The following PDE4B variants were observed in gnomAD, a reference collection of about 807,000 sequenced individuals.
PDE4B encodes the protein 3',5'-cyclic-AMP phosphodiesterase 4B.
A neutral mutation model predicts 82.2 loss-of-function variants in PDE4B; 20 were observed. The ratio of observed to expected loss-of-function variants is 0.24; its 90% confidence interval spans 0.17 to 0.35. PDE4B has a LOEUF of 0.35. Ranked by LOEUF, PDE4B falls within the 10% of genes least tolerant of loss-of-function variation. PDE4B has a pLI of 1.00. For missense variants in PDE4B, 655 were observed against 907.2 expected (o/e 0.72, Z 3.57); for synonymous variants, 320 against 318.9 (o/e 1.00, Z -0.04).
intron 1 of PDE4B, among the ~76,000 whole-genome samples, chr1:65,872,898 A>G (rs1646590722): frequency 6.6e-6 from 1 of 152,170 alleles, no homozygotes; most frequent in Non-Finnish European, 1.5e-5. Context: ...TACTGATAAA[A>G]CGACTGAGGA....
At chr1:65,895,253 G>GA (rs1226024114) in intron 1 of PDE4B, among the ~76,000 whole-genome samples, 1 of 152,012 alleles carries the variant, frequency 6.6e-6, no homozygotes, top group Admixed American at 6.6e-5. Context: ...GGTATGCTGA[G>GA]AAAATGATAC....
intron 3 of PDE4B, among the ~76,000 whole-genome samples, chr1:66,131,773 A>G (rs1203139053): frequency 6.6e-6 from 1 of 151,702 alleles, no homozygotes; most frequent in Non-Finnish European, 1.5e-5. Context: ...AGAACAATGA[A>G]TGAGAAACAT....
chr1:65,885,507 T>C (rs1646763162), intron 1 of PDE4B, among the ~76,000 whole-genome samples: 2 of 152,130 alleles, frequency 1.3e-5, no homozygotes, highest in African/African-American at 2.4e-5. Flanking sequence ...GTGGCACATA[T>C]ACACCATGGA....
intron 7 of PDE4B, among the ~76,000 whole-genome samples, chr1:66,321,789 C>T (rs1290219629): frequency 1.3e-5 from 2 of 152,162 alleles, no homozygotes; most frequent in African/African-American, 4.8e-5. Flanking sequence ...ATCAAGCTAC[C>T]ACTGACTTTC....
At chr1:66,281,256 T>G (rs2101781314) in intron 7 of PDE4B, among the ~76,000 whole-genome samples, 1 of 152,356 alleles carries the variant, frequency 6.6e-6, no homozygotes, top group Middle Eastern at 3.4e-3. Flanking sequence ...GCCCCACTCC[T>G]CAAGTTTCTG....
intron 3 of PDE4B, among the ~76,000 whole-genome samples, chr1:66,095,334 G>A (rs1349999528): frequency 6.6e-6 from 1 of 151,882 alleles, no homozygotes. Flanking sequence ...ATTGTAGAGA[G>A]AAATAAATGA....
chr1:66,051,449 C>A (rs960935581), intron 3 of PDE4B, among the ~76,000 whole-genome samples: 1 of 151,844 alleles, frequency 6.6e-6, no homozygotes, highest in Non-Finnish European at 1.5e-5. Flanking sequence ...GATTAGGGAA[C>A]GGAATCTGGG....
intron 1 of PDE4B, among the ~76,000 whole-genome samples, chr1:65,818,343 C>T (rs1645909198): frequency 6.6e-6 from 1 of 152,038 alleles, no homozygotes; most frequent in African/African-American, 2.4e-5. Context: ...TGTAATTTTC[C>T]TAGAGAGCTG....
chr1:66,240,171 AC>A (rs2101655273), intron 3 of PDE4B, among the ~76,000 whole-genome samples: 1 of 152,350 alleles, frequency 6.6e-6, no homozygotes, highest in South Asian at 2.1e-4. Flanking sequence ...TCACCGTATC[AC>A]CCACAGTCAG....
intron 1 of PDE4B, among the ~76,000 whole-genome samples, chr1:65,811,973 CA>C (rs965532753): frequency 6.6e-6 from 1 of 150,954 alleles, no homozygotes; most frequent in Non-Finnish European, 1.5e-5. Flanking sequence ...ACAAACAAAC[CA>C]AAAAAAACCC....
intron 3 of PDE4B, among the ~76,000 whole-genome samples, chr1:66,057,560 A>T (rs7521986): frequency 0.47 from 71,854 of 152,014 alleles, 17,649 homozygotes; most frequent in Non-Finnish European, 0.54. Flanking sequence ...GGTTTATTGG[A>T]CTTACAGTTC....
chr1:66,232,500 A>G (rs1206997674), intron 3 of PDE4B, among the ~76,000 whole-genome samples: 1 of 152,238 alleles, frequency 6.6e-6, no homozygotes, highest in Non-Finnish European at 1.5e-5. Context: ...AATAGATAGT[A>G]TTCTATATCA....
chr1:66,261,109 C>T (rs1468212775), intron 6 of PDE4B, among the ~76,000 whole-genome samples: 1 of 152,176 alleles, frequency 6.6e-6, no homozygotes, highest in Non-Finnish European at 1.5e-5. Flanking sequence ...TGCAGTCTAG[C>T]TCAGACTCAG....
chr1:66,283,420 G>A (rs1199029661), intron 7 of PDE4B, among the ~76,000 whole-genome samples: 1 of 151,932 alleles, frequency 6.6e-6, no homozygotes, highest in Non-Finnish European at 1.5e-5. Context: ...TGTGTCAGGA[G>A]TCTTAGAAGG....
intron 3 of PDE4B, among the ~76,000 whole-genome samples, chr1:66,157,701 T>A (rs970598877): frequency 1.3e-5 from 2 of 152,206 alleles, no homozygotes; most frequent in African/African-American, 4.8e-5. Context: ...TGATCTCTCT[T>A]TCTCTCAGTG....
rs561904888 is a variant in PDE4B at position 66,374,367 on chromosome 1, A to G, written c.*1689A>G. 4.8e-4 allele frequency: 74 copies of G among 152,778 alleles called. No individual in the cohort carries two copies. Among genetic ancestry groups the G allele is most frequent in the African/African-American group, 1.8e-3 (74 of 41,580 alleles). The allele number at this position is 152,778 out of a possible 1,614,324, so 9.5% of individuals were successfully genotyped here. ...TTTGTAAAATATGTTTCATGCTTTC[A>G]GTTCAGCATTGTGACTCAGTAATTA... is the stretch of plus-strand genomic sequence containing the variant. On this transcript the variant is annotated 3_prime_UTR_variant, in exon 17 of 17. Transcript: ENST00000341517.
chr1:66,050,213 T>C (rs1367243804), intron 3 of PDE4B, among the ~76,000 whole-genome samples: 1 of 152,122 alleles, frequency 6.6e-6, no homozygotes. Flanking sequence ...ATATGTTCAA[T>C]TGAGTATCAG....
intron 3 of PDE4B, among the ~76,000 whole-genome samples, chr1:66,217,940 G>C (rs1228004756): frequency 6.6e-6 from 1 of 152,128 alleles, no homozygotes. Flanking sequence ...GCAGTAAGAA[G>C]ACATTGAAGG....
At chr1:66,091,598 A>G (rs745944874) in intron 3 of PDE4B, among the ~76,000 whole-genome samples, 6 of 152,042 alleles carry the variant, frequency 3.9e-5, no homozygotes, top group Non-Finnish European at 2.9e-5. Flanking sequence ...TGACTGCCAC[A>G]TGCTTAGACA....
Sources: gnomAD v4.1 joint callset for allele counts (sites outside exome capture counted in the v4.1 genomes callset) on GRCh38, gnomAD v4.1.1 for gene constraint, MANE v1.5 for transcripts, NCBI Gene and HGNC (gene_info 2026-07-23, HGNC 2026-07-21) for gene names.